FREM1: variants seen among roughly 807,000 people sequenced by gnomAD.
FREM1 encodes the protein FRAS1 related extracellular matrix 1, also known as FRAS1-related extracellular matrix protein 1.
FREM1 carries 220 observed loss-of-function variants against 210.1 expected under a neutral mutation model. The ratio of observed to expected loss-of-function variants is 1.05; its 90% CI spans 0.94 to 1.17. The LOEUF (loss-of-function observed/expected upper bound fraction) is 1.17. FREM1 is among the 50% of genes most tolerant of loss of function. FREM1 has a pLI of 0.00. For synonymous variants in FREM1, 1,189 were observed against 980.2 expected (o/e 1.21, Z -3.98); for missense variants, 3,454 against 2,675.5 (o/e 1.29, Z -6.42).
Position 14,746,454 on chromosome 9 carries a change from T to C in FREM1, c.6153A>G (p.Lys2051=). 2 of 1,613,502 alleles carry C rather than the reference T, an allele frequency of 1.2e-6. No individual in the cohort carries two copies. The highest frequency in any genetic ancestry group is 1.7e-6 in the Non-Finnish European group (2 of 1,179,500). ...WSPQTKDVED[K]SCPAGWHQHS... is the part of the protein sequence containing the mutation. Reference sequence around the variant, plus strand: ...GCTGGTGCCACCCGGCTGGACAGGATTTGTCTTCCACATCCTGAAAAACAG... The same window carrying C: ...GCTGGTGCCACCCGGCTGGACAGGACTTGTCTTCCACATCCTGAAAAACAG... The change falls in exon 35 of 37, where the codon AAA becomes AAG. Residue 2051 remains lysine, a synonymous_variant. Transcript: ENST00000380880.
chr9:14,830,232 G>A (rs371296879), intron 10 of FREM1, among the ~76,000 whole-genome samples: 1 of 152,202 alleles, frequency 6.6e-6, no homozygotes, highest in Non-Finnish European at 1.5e-5. Context: ...AGCTGGTGGA[G>A]TATTATATTG....
chr9:14,746,312 G>C, intron 35 of FREM1, 41 bp downstream of exon 35: 4 of 1,393,432 alleles, frequency 2.9e-6, no homozygotes, highest in Non-Finnish European at 4.1e-6. Flanking sequence ...GAGAAATAGA[G>C]AAAAGAAAAC....
chr9:14,758,630 C>A (rs955328230), intron 28 of FREM1, among the ~76,000 whole-genome samples: 61 of 151,014 alleles, frequency 4.0e-4, no homozygotes, highest in African/African-American at 1.4e-3. Context: ...ATAGAAATGG[C>A]CTTTTCCCCA....
intron 3 of FREM1, among the ~76,000 whole-genome samples, chr9:14,863,290 G>C (rs1420128618): frequency 6.8e-6 from 1 of 147,504 alleles, no homozygotes; most frequent in Non-Finnish European, 1.5e-5. Context: ...GCAGTGAGCC[G>C]AGATTGCGCC....
In FREM1 at chr9:14,770,615, G is replaced by A. The variant is rs200063334; in HGVS notation, c.5049C>T (p.Asn1683=). ...TAAGGAGGCCAGTACCTGTTGTTGT[G>A]TTCTCCAGATGTCCATGTTTTGGGC... ...LQGPKHGHLE[N]TTTGEFIHEK... Residue 1683 remains asparagine, a synonymous_variant, in exon 26 of 37, where the codon AAC becomes AAT. Transcript: ENST00000380880. The A allele has an allele frequency of 1.4e-4, 223 of 1,611,806 alleles. No individual in the cohort carries two copies. In the African/African-American group the frequency reaches 2.5e-3, roughly 18 times the overall value.
Position 14,737,259 on chromosome 9 carries a change from T to G in FREM1, c.*137A>C, listed in dbSNP as rs1431540648. 1.2e-5 allele frequency: 7 copies of G among 569,930 alleles called. No homozygotes were observed. The Admixed American group carries it at 2.3e-4, about 19-fold the overall frequency. 35.3% of individuals were successfully genotyped at this position (569,930 alleles called of 1,614,324 possible). ...AATCTTTCTGGCACTATTAAAAATG[T>G]CCCATTTTCACTAGACAGAATCACA... is the stretch of plus-strand genomic sequence containing the variant. On this transcript the variant is annotated 3_prime_UTR_variant, in exon 37 of 37. Transcript: ENST00000380880.
chr9:14,752,711 TA>T (rs1666435236), intron 29 of FREM1, among the ~76,000 whole-genome samples: 1 of 152,196 alleles, frequency 6.6e-6, no homozygotes, highest in African/African-American at 2.4e-5. Context: ...ATATGATTAT[TA>T]GTACTTGGAG....
At chr9:14,816,513 C>T (rs10810252) in intron 15 of FREM1, among the ~76,000 whole-genome samples, 16,739 of 151,966 alleles carry the variant, frequency 0.11, 915 homozygotes, top group South Asian at 0.14. Flanking sequence ...AGGGCTCCAC[C>T]CTCATGAATG....
In FREM1 at chr9:14,748,517, T is replaced by C; in HGVS notation, c.5680A>G (p.Arg1894Gly). 1.2e-6 allele frequency: 2 copies of C among 1,613,704 alleles called. No homozygotes were observed. The highest frequency in any genetic ancestry group is 1.1e-5 in the South Asian group (1 of 91,076). ...STTSGSFHLE[R>G]RPLPSSMQLA... ...TGCATGGAAGATGGAAGAGGTCTTC[T>C]TTCCAGATGAAAGGAACCAGAAGTG... The change falls in exon 31 of 37, where the codon AGA becomes GGA. Residue 1894 changes from arginine to glycine, a missense_variant. Physicochemically the swap from Arg to Gly is moderately radical, Grantham distance 125. Transcript: ENST00000380880.
At chr9:14,879,256 G>T (rs7022849) in intron 1 of FREM1, among the ~76,000 whole-genome samples, 7,160 of 151,862 alleles carry the variant, frequency 0.047, 534 homozygotes, top group African/African-American at 0.16. Context: ...TCACAAAAAG[G>T]CACATCATCC....
chr9:14,881,951 A>G (rs1029556855), intron 1 of FREM1, among the ~76,000 whole-genome samples: 2 of 152,182 alleles, frequency 1.3e-5, no homozygotes, highest in African/African-American at 4.8e-5. Flanking sequence ...TTGCACATGA[A>G]AAAATGAGGC....
intron 1 of FREM1, among the ~76,000 whole-genome samples, chr9:14,870,633 G>A (rs367784678): frequency 5.3e-5 from 8 of 151,676 alleles, no homozygotes; most frequent in African/African-American, 1.9e-4. Flanking sequence ...ATTTAATATG[G>A]TTTCTTTTTT....
chr9:14,864,588 T>A (rs1564116767), intron 2 of FREM1, among the ~76,000 whole-genome samples: 2 of 152,200 alleles, frequency 1.3e-5, no homozygotes, highest in Non-Finnish European at 2.9e-5. Context: ...CTGTCTCAAC[T>A]CACTCAGAAT....
In FREM1 at chr9:14,841,446, C is replaced by A. The variant is rs1376075383; in HGVS notation, c.1881+1G>T. On this transcript the variant is annotated splice_donor_variant, in intron 10 of 36. Transcript: ENST00000380880. LOFTEE classifies it high-confidence loss of function. ...GAAAGTGTTCAGAAACAGTCTCTTA[C>A]CTGTGGCACTGAAAGATTTGGAGGT... 6 of 1,598,502 alleles carry A rather than the reference C, an allele frequency of 3.8e-6. No homozygotes were observed. Among genetic ancestry groups the A allele is most frequent in the Non-Finnish European group, 5.1e-6 (6 of 1,169,872 alleles).
intron 5 of FREM1, among the ~76,000 whole-genome samples, chr9:14,853,817 T>G (rs1355311158): frequency 2.6e-5 from 4 of 152,224 alleles, no homozygotes; most frequent in African/African-American, 9.6e-5. Flanking sequence ...GAAGTATTAT[T>G]TGAAGATGCA....
intron 27 of FREM1, among the ~76,000 whole-genome samples, chr9:14,760,480 A>G (rs1384958010): frequency 6.6e-6 from 1 of 152,214 alleles, no homozygotes; most frequent in Non-Finnish European, 1.5e-5. Flanking sequence ...CTCTACTGGT[A>G]TGAGGCTTGG....
intron 25 of FREM1, among the ~76,000 whole-genome samples, chr9:14,774,535 CTCTCTCTCTCTCTCT>C (rs1268363865): frequency 6.7e-6 from 1 of 148,698 alleles, no homozygotes; most frequent in East Asian, 2.0e-4. Flanking sequence ...CTCTCTCTCT[CTCTCTCTCTCTCTCT>C]CTCTCTCTCT....
At chr9:14,838,460 C>A (rs182517081) in intron 10 of FREM1, among the ~76,000 whole-genome samples, 1 of 151,352 alleles carries the variant, frequency 6.6e-6, no homozygotes, top group African/African-American at 2.4e-5. Flanking sequence ...TCACTGATAT[C>A]GGAGTTTTAA....
intron 27 of FREM1, among the ~76,000 whole-genome samples, chr9:14,762,647 T>C (rs973144988): frequency 2.6e-5 from 4 of 152,096 alleles, no homozygotes; most frequent in Non-Finnish European, 5.9e-5. Context: ...TAAAGAGCTA[T>C]TGAAAAGCCG....
Sources: gnomAD v4.1 joint callset for allele counts (sites outside exome capture counted in the v4.1 genomes callset) on GRCh38, gnomAD v4.1.1 for gene constraint, MANE v1.5 for transcripts, NCBI Gene and HGNC (gene_info 2026-07-23, HGNC 2026-07-21) for gene names.